Variants in CHP1 observed in about 807,000 individuals in gnomAD.
CHP1 encodes calcineurin B homologous protein 1.
Under a neutral mutation model 27.4 loss-of-function variants are expected in CHP1, and 11 were observed. That is an observed-to-expected ratio of 0.40 (90% CI 0.25 to 0.67). The LOEUF (loss-of-function observed/expected upper bound fraction) is 0.67, where lower values mean the gene tolerates loss of function less well. Ranked by LOEUF, CHP1 falls within the 30% of genes least tolerant of loss-of-function variation. The pLI, the probability that CHP1 is intolerant of heterozygous loss-of-function variation, is 0.38. For synonymous variants in CHP1, 89 were observed against 87.4 expected, an observed-to-expected ratio of 1.02 and a Z score of -0.10; for missense variants, 169 against 251.3, an observed-to-expected ratio of 0.67 and a Z score of 2.22.
intron 5 of CHP1, chr15:41,272,186 CG>C (rs2047492965): frequency 6.6e-6 from 1 of 151,790 alleles, no homozygotes; most frequent in African/African-American, 2.4e-5. Flanking sequence ...TTAGTAGAGA[CG>C]GGGTTTCAGC....
chr15:41,237,337 G>A (rs185845799), intron 1 of CHP1, among the ~76,000 whole-genome samples: 3 of 151,446 alleles, frequency 2.0e-5, no homozygotes, highest in African/African-American at 7.3e-5. Flanking sequence ...TAGTAGATAC[G>A]AGGTTTTACC....
chr15:41,251,251 A>T (rs1167471901), intron 2 of CHP1, among the ~76,000 whole-genome samples: 1 of 152,196 alleles, frequency 6.6e-6, no homozygotes, highest in Non-Finnish European at 1.5e-5. Context: ...CCAGATGAAG[A>T]AACTGATTAT....
intron 5 of CHP1, 151 bp from the exon 6 acceptor site, chr15:41,278,616 C>A: frequency 1.2e-6 from 1 of 830,532 alleles, no homozygotes; most frequent in Non-Finnish European, 1.8e-6. Flanking sequence ...TATATGCAGT[C>A]GGTCATTAAC....
At position 41,256,914 on chromosome 15, in the gene CHP1, G is replaced by C. The variant is rs1439765219; in HGVS notation, c.145G>C (p.Glu49Gln). The change falls in exon 3 of 7, where the codon GAA (glutamate) becomes CAA (glutamine). Residue 49 changes from glutamate (E) to glutamine (Q), a missense_variant. Physicochemically the swap from Glu to Gln is conservative, Grantham distance 29. Coordinates refer to ENST00000334660, the MANE Select transcript of CHP1 (RefSeq NM_007236.5). ...TCAAGGTGATTCTCTTGGCAGCCGG[G>C]AAGATTTCCAGAGGATTCCAGAACT... is the stretch of plus-strand genomic sequence containing the variant. ...DKGENGTLSREDFQRIPELAI... is the reference protein window; with the variant it reads ...DKGENGTLSRQDFQRIPELAI... The C allele has an allele frequency of 1.1e-5, 18 of 1,613,968 alleles. No individual in the cohort carries two copies. The highest frequency in any genetic ancestry group is 1.4e-5 in the Non-Finnish European group (17 of 1,179,952).
chr15:41,244,425 T>C (rs548445022), intron 2 of CHP1, among the ~76,000 whole-genome samples: 1 of 152,256 alleles, frequency 6.6e-6, no homozygotes, highest in Admixed American at 6.5e-5. Context: ...TTTTGTCTTC[T>C]TTTATTTACC....
At chr15:41,234,704 T>C (rs945203663) in intron 1 of CHP1, among the ~76,000 whole-genome samples, 1 of 152,224 alleles carries the variant, frequency 6.6e-6, no homozygotes, top group African/African-American at 2.4e-5. Context: ...GTGCCTACTT[T>C]ATAGGATTCT....
chr15:41,254,377 A>C (rs1487289222), intron 2 of CHP1, among the ~76,000 whole-genome samples: 1 of 152,224 alleles, frequency 6.6e-6, no homozygotes, highest in Non-Finnish European at 1.5e-5. Context: ...AATTCAAATC[A>C]GCCTTAGTCT....
At position 41,279,525 on chromosome 15, in the gene CHP1, T is replaced by C. The variant is rs563680421; in HGVS notation, c.*136T>C. 40 of 697,716 alleles carry C rather than the reference T, an allele frequency of 5.7e-5. No homozygotes were observed. In the East Asian group the frequency reaches 9.5e-4, roughly 17 times the overall value. 43.2% of individuals were successfully genotyped at this position (697,716 alleles called of 1,614,324 possible). A position where few individuals can be genotyped will look rare whatever the true frequency, so the allele number is the denominator to read the frequency against. On this transcript the variant is annotated 3_prime_UTR_variant, in exon 7 of 7. Coordinates refer to ENST00000334660, the MANE Select transcript of CHP1 (RefSeq NM_007236.5). ...TGCTGTTGCATGACAACCCCAAATA[T>C]GTTCTGTCAACACAAACCTGCCTTT...
chr15:41,256,984 C>T lies in CHP1; in HGVS notation c.215C>T (p.Pro72Leu), dbSNP rs763738270. 25 of 1,613,294 alleles carry T rather than the reference C, an allele frequency of 1.5e-5. No individual in the cohort carries two copies. In the South Asian group the frequency reaches 2.4e-4, roughly 16 times the overall value. ...GACCGGATCATCAATGCCTTCTTTC[C>T]AGAGGGGTGAGTCAGTACAGTTGTT... The part of the protein sequence containing the change: ...LGDRIINAFF[P>L]EGEDQVNFRG... Residue 72 changes from proline (P) to leucine (L), a missense_variant, in exon 3 of 7, where the codon CCA (proline) becomes CTA (leucine). Pro to Leu is a moderately conservative substitution (Grantham distance 98, BLOSUM62 -3). Coordinates refer to ENST00000334660, the MANE Select transcript of CHP1 (RefSeq NM_007236.5).
intron 2 of CHP1, 39 bp from the exon 3 acceptor site, chr15:41,256,871 C>T (rs896187606): frequency 1.9e-6 from 3 of 1,546,104 alleles, no homozygotes; most frequent in African/African-American, 2.7e-5. Context: ...ATGCTAAGGG[C>T]AATGATCTCT....
intron 5 of CHP1, among the ~76,000 whole-genome samples, 165 bp from the exon 6 acceptor site, chr15:41,278,602 A>G (rs1048025683): frequency 1.3e-5 from 2 of 152,186 alleles, no homozygotes; most frequent in Admixed American, 6.5e-5. Flanking sequence ...TAGCACCACC[A>G]TTATATATGC....
At chr15:41,233,021 C>T (rs895526536) in intron 1 of CHP1, among the ~76,000 whole-genome samples, 1 of 152,166 alleles carries the variant, frequency 6.6e-6, no homozygotes, top group Non-Finnish European at 1.5e-5. Flanking sequence ...CTCCACCTAC[C>T]AAGGCAGTCC....
At chr15:41,251,357 T>G (rs2047365645) in intron 2 of CHP1, among the ~76,000 whole-genome samples, 1 of 152,150 alleles carries the variant, frequency 6.6e-6, no homozygotes, top group Non-Finnish European at 1.5e-5. Context: ...CTCCATAGAT[T>G]ACATCAGAAC....
intron 2 of CHP1, among the ~76,000 whole-genome samples, chr15:41,249,249 G>T (rs552812186): frequency 1.3e-5 from 2 of 152,006 alleles, no homozygotes; most frequent in Admixed American, 1.3e-4. Context: ...GCACCATCAC[G>T]GCTCACTGTA....
intron 1 of CHP1, among the ~76,000 whole-genome samples, chr15:41,235,519 CA>C (rs917805924): frequency 6.7e-6 from 1 of 149,238 alleles, no homozygotes; most frequent in East Asian, 2.0e-4. Context: ...GACCCTGTCT[CA>C]AAAAAAAACA....
chr15:41,256,648 T>G (rs764763909), intron 2 of CHP1: 1 of 468,998 alleles, frequency 2.1e-6, no homozygotes, highest in Non-Finnish European at 3.9e-6. Context: ...TGTCCATCAG[T>G]TGGCTTATTG....
At chr15:41,249,973 G>C (rs147662479) in intron 2 of CHP1, among the ~76,000 whole-genome samples, 160 of 151,844 alleles carry the variant, frequency 1.1e-3, no homozygotes, top group African/African-American at 3.8e-3. Context: ...TGGAACATAA[G>C]GCAGAACTGT....
At chr15:41,256,267 C>A (rs1325676795) in intron 2 of CHP1, among the ~76,000 whole-genome samples, 4 of 152,082 alleles carry the variant, frequency 2.6e-5, no homozygotes. Context: ...TGGTAACTGA[C>A]AATATTCGCT....
intron 4 of CHP1, among the ~76,000 whole-genome samples, chr15:41,263,101 T>C (rs1044597584): frequency 3.3e-5 from 5 of 152,194 alleles, no homozygotes; most frequent in African/African-American, 1.2e-4. Flanking sequence ...CAGTTTTCTC[T>C]TCTGTAAAAT....
Sources: gnomAD v4.1 joint callset for allele counts (sites outside exome capture counted in the v4.1 genomes callset) on GRCh38, gnomAD v4.1.1 for gene constraint, MANE v1.5 for transcripts, NCBI Gene and HGNC (gene_info 2026-07-23, HGNC 2026-07-21) for gene names.